CAMK4: variants seen among roughly 807,000 people sequenced by gnomAD.
CAMK4 encodes the protein calcium/calmodulin dependent protein kinase IV.
In CAMK4, 22 loss-of-function variants were observed where a neutral mutation model predicts 44.9. The observed-to-expected ratio is 0.49, with a 90% CI of 0.35 to 0.70. The LOEUF is 0.70. CAMK4 is among the 30% of genes least tolerant of loss of function. The pLI, the probability that CAMK4 is intolerant of heterozygous loss-of-function variation, is 0.01. For synonymous variants in CAMK4, 218 were observed against 215.4 expected (o/e 1.01, Z -0.11); for missense variants, 498 against 586.8 (o/e 0.85, Z 1.56).
At chr5:111,367,516 G>A (rs1750838144) in intron 2 of CAMK4, among the ~76,000 whole-genome samples, 1 of 152,030 alleles carries the variant, frequency 6.6e-6, no homozygotes, top group Admixed American at 6.6e-5. Context: ...ACTCTGATGG[G>A]CCACCTTATA....
At chr5:111,283,702 T>G in intron 1 of CAMK4, among the ~76,000 whole-genome samples, 1 of 152,224 alleles carries the variant, frequency 6.6e-6, no homozygotes, top group East Asian at 1.9e-4. Flanking sequence ...CCATCAACAA[T>G]AACCTTTTTT....
At position 111,487,470 on chromosome 5, in the gene CAMK4, G is replaced by A. The variant is rs1446802471; in HGVS notation, c.*3004G>A. On this transcript the variant is annotated 3_prime_UTR_variant, in exon 11 of 11. Transcript: ENST00000282356. ...AAATTAGAATAATATCGTGGTAGAA[G>A]TTAATTGTCCAGAACAAGTGCATTA... The A allele has an allele frequency of 1.3e-5, 2 of 152,088 alleles. No homozygotes were observed. The highest frequency in any genetic ancestry group is 4.8e-5 in the African/African-American group (2 of 41,418). 9.4% of individuals were successfully genotyped at this position (152,088 alleles called of 1,614,324 possible). A position where few individuals can be genotyped will look rare whatever the true frequency, so the allele number is the denominator to read the frequency against.
chr5:111,328,203 G>A (rs1247781885), intron 1 of CAMK4, among the ~76,000 whole-genome samples: 2 of 150,016 alleles, frequency 1.3e-5, no homozygotes, highest in African/African-American at 5.0e-5. Context: ...TGTAAGGAAG[G>A]GATCCAGTTT....
At chr5:111,355,461 G>A (rs1379502593) in intron 2 of CAMK4, among the ~76,000 whole-genome samples, 9 of 143,848 alleles carry the variant, frequency 6.3e-5, no homozygotes, top group African/African-American at 2.3e-4. Context: ...AAACATTGGT[G>A]GAATTTATTA....
chr5:111,437,259 A>G (rs1002943398), intron 5 of CAMK4, among the ~76,000 whole-genome samples: 3 of 152,240 alleles, frequency 2.0e-5, no homozygotes, highest in African/African-American at 7.2e-5. Flanking sequence ...TTCTATTTTA[A>G]TATTTTAACT....
At chr5:111,312,429 G>C (rs961818335) in intron 1 of CAMK4, among the ~76,000 whole-genome samples, 4 of 152,206 alleles carry the variant, frequency 2.6e-5, no homozygotes, top group African/African-American at 4.8e-5. Context: ...AGAGTGAAAT[G>C]AGATAATGCC....
intron 2 of CAMK4, among the ~76,000 whole-genome samples, chr5:111,347,490 G>A (rs1027743608): frequency 6.6e-5 from 10 of 152,060 alleles, no homozygotes; most frequent in African/African-American, 2.2e-4. Context: ...TTGTGGCAGG[G>A]CTAGCTAGAT....
chr5:111,237,579 C>T (rs565949949), intron 1 of CAMK4, among the ~76,000 whole-genome samples: 41 of 152,352 alleles, frequency 2.7e-4, no homozygotes, highest in African/African-American at 9.4e-4. Flanking sequence ...CTGCTGTAGA[C>T]TATACAAATG....
At chr5:111,395,703 C>T (rs2112863963) in intron 5 of CAMK4, among the ~76,000 whole-genome samples, 1 of 152,142 alleles carries the variant, frequency 6.6e-6, no homozygotes, top group South Asian at 2.1e-4. Flanking sequence ...TTTTGGATTG[C>T]ATTAAGCAGG....
chr5:111,397,693 T>TGTGTG (rs1580699606), intron 5 of CAMK4, among the ~76,000 whole-genome samples: 3,056 of 109,260 alleles, frequency 0.028, 89 homozygotes, highest in South Asian at 0.042. Flanking sequence ...GTGTGTGTGT[T>TGTGTG]TGCAGTTTAC....
At chr5:111,345,545 C>T (rs944671663) in intron 2 of CAMK4, among the ~76,000 whole-genome samples, 4 of 151,870 alleles carry the variant, frequency 2.6e-5, no homozygotes, top group Admixed American at 6.6e-5. Flanking sequence ...CTTGTTTGTA[C>T]GATTTCTTAT....
intron 1 of CAMK4, among the ~76,000 whole-genome samples, chr5:111,314,944 A>C (rs117317559): frequency 6.6e-6 from 1 of 152,094 alleles, no homozygotes; most frequent in African/African-American, 2.4e-5. Flanking sequence ...TGATATCAAA[A>C]AAAGTATCTT....
At chr5:111,477,651 C>A (rs1187947607) in intron 8 of CAMK4, among the ~76,000 whole-genome samples, 1 of 152,194 alleles carries the variant, frequency 6.6e-6, no homozygotes, top group African/African-American at 2.4e-5. Context: ...TTTTCCCATT[C>A]ATTTTTAAGT....
chr5:111,421,194 C>A lies in CAMK4; in HGVS notation c.460-25492C>A, dbSNP rs143275201. 3.9e-3 allele frequency among the ~76,000 whole-genome samples: 598 copies of A among 152,176 alleles called. 6 individuals are homozygous for A. The highest frequency in any genetic ancestry group is 0.014 in the African/African-American group (569 of 41,394). ...CAGTCCCTCCATTTGGGGTCCCTGA[C>A]TTCCCGCAACAATATCTGCATTCCT... On this transcript the variant is annotated intron_variant, in intron 5 of 10. Transcript: ENST00000282356.
chr5:111,379,358 G>A (rs987816868), intron 4 of CAMK4, among the ~76,000 whole-genome samples: 12 of 152,200 alleles, frequency 7.9e-5, no homozygotes, highest in African/African-American at 2.4e-4. Context: ...AAATGCTATT[G>A]ATAAATTTCA....
At chr5:111,261,894 A>G (rs368533936) in intron 1 of CAMK4, among the ~76,000 whole-genome samples, 196 of 151,986 alleles carry the variant, frequency 1.3e-3, no homozygotes, top group African/African-American at 4.4e-3. Context: ...TCCTCTTTAC[A>G]TGCTTAGCCA....
chr5:111,450,983 C>T (rs1384262145), intron 7 of CAMK4, among the ~76,000 whole-genome samples: 1 of 152,124 alleles, frequency 6.6e-6, no homozygotes, highest in Non-Finnish European at 1.5e-5. Context: ...TACTACAAAA[C>T]TAACTCCTTT....
chr5:111,407,976 T>G (rs1160208829), intron 5 of CAMK4, among the ~76,000 whole-genome samples: 1 of 151,784 alleles, frequency 6.6e-6, no homozygotes, highest in Non-Finnish European at 1.5e-5. Context: ...AAATACAAAA[T>G]TAGCCGGGCA....
At chr5:111,480,288 A>C (rs1009725934) in intron 9 of CAMK4, among the ~76,000 whole-genome samples, 9 of 145,226 alleles carry the variant, frequency 6.2e-5, no homozygotes, top group South Asian at 2.2e-4. Flanking sequence ...ACACACACAC[A>C]CCCCTGGGTA....
Sources: allele counts gnomAD v4.1 joint callset (sites outside exome capture counted in the v4.1 genomes callset), GRCh38; gene constraint gnomAD v4.1.1; transcripts MANE v1.5; gene names NCBI Gene and HGNC (gene_info 2026-07-23, HGNC 2026-07-21).